HIVEP3: variants seen among roughly 807,000 people sequenced by gnomAD.
HIVEP3 encodes HIVEP zinc finger 3.
In HIVEP3, 49 loss-of-function variants were observed where a neutral mutation model predicts 152.8. That is an observed-to-expected ratio of 0.32 (90% CI 0.26 to 0.41). HIVEP3 has a LOEUF of 0.41. Among genes scored for constraint, HIVEP3 ranks in the 10% least tolerant of loss-of-function variants. The probability of loss-of-function intolerance (pLI) is 1.00; values close to 1 mark genes in which losing one functional copy is unlikely to be tolerated. For missense variants in HIVEP3, 2,790 were observed against 3,103.3 expected (o/e 0.90, Z 2.40); for synonymous variants, 1,269 against 1,289.0 (o/e 0.98, Z 0.33).
At chr1:41,855,195 T>C (rs1414187814) in intron 1 of HIVEP3, among the ~76,000 whole-genome samples, 2 of 149,392 alleles carry the variant, frequency 1.3e-5, no homozygotes, top group Non-Finnish European at 3.0e-5. Context: ...TGTTGTTTCC[T>C]GACTTTTTAA....
chr1:41,529,867 C>T (rs1643190334), intron 5 of HIVEP3, among the ~76,000 whole-genome samples: 1 of 143,912 alleles, frequency 6.9e-6, no homozygotes, highest in Admixed American at 7.0e-5. Context: ...ACACTTACAT[C>T]CTCACACTCC....
rs151058943 is a variant in HIVEP3, at chr1:41,911,474, T to C, written c.-801+6939A>G. On this transcript the variant is annotated intron_variant, in intron 1 of 8. Transcript: ENST00000372583. ...TTAAAGTGAAACTCATATGACACCA[T>C]AGAATTCTGAACTATCCTAGCAGCA... Among the ~76,000 whole-genome samples the C allele has an allele frequency of 5.6e-3, 856 of 152,300 alleles. 14 individuals are homozygous for C. The highest frequency in any genetic ancestry group is 0.019 in the African/African-American group (777 of 41,540).
intron 1 of HIVEP3, among the ~76,000 whole-genome samples, chr1:41,974,912 C>T (rs574215748): frequency 6.6e-6 from 1 of 152,208 alleles, no homozygotes; most frequent in Admixed American, 6.5e-5. Flanking sequence ...ACGCAACCTG[C>T]CCTTCAGGAC....
chr1:41,671,226 C>CACTG (rs1222740212), intron 2 of HIVEP3, among the ~76,000 whole-genome samples: 2 of 152,230 alleles, frequency 1.3e-5, no homozygotes, highest in East Asian at 3.9e-4. Context: ...CTATCACCAT[C>CACTG]ACTGCCCAGC....
Position 41,849,878 on chromosome 1 carries a change from A to G in HIVEP3, c.-801+68535T>C, listed in dbSNP as rs2124380744. 2.6e-5 allele frequency among the ~76,000 whole-genome samples: 4 copies of G among 152,164 alleles called. No homozygotes were observed. The Middle Eastern group carries it at 0.014, about 518-fold the overall frequency. ...GCTAATTTTTGTATTTTTAGTAGAC[A>G]TGGGGTTTCACCATGTTGGCCAGGC... On this transcript the variant is annotated intron_variant, in intron 1 of 8. Transcript: ENST00000372583.
intron 1 of HIVEP3, among the ~76,000 whole-genome samples, chr1:41,898,598 C>T (rs1049881417): frequency 1.1e-4 from 16 of 152,204 alleles, no homozygotes; most frequent in Non-Finnish European, 2.2e-4. Flanking sequence ...CACGTGCGTG[C>T]ACACACACCC....
intron 1 of HIVEP3, among the ~76,000 whole-genome samples, chr1:41,712,643 C>T (rs540327545): frequency 3.3e-5 from 5 of 152,322 alleles, no homozygotes; most frequent in Non-Finnish European, 7.3e-5. Flanking sequence ...AAACCAGCGT[C>T]CTGAGCTGAC....
intron 1 of HIVEP3, among the ~76,000 whole-genome samples, chr1:41,775,815 T>A (rs1648672332): frequency 6.6e-6 from 1 of 152,106 alleles, no homozygotes; most frequent in African/African-American, 2.4e-5. Flanking sequence ...GCTTCCAACA[T>A]GGAGAGTCCA....
chr1:41,624,096 C>A (rs1290256603), intron 3 of HIVEP3, among the ~76,000 whole-genome samples: 1 of 152,176 alleles, frequency 6.6e-6, no homozygotes, highest in East Asian at 1.9e-4. Context: ...CCCTGGGTTG[C>A]GAAGAGTACT....
At chr1:41,593,137 C>T (rs560281428) in intron 3 of HIVEP3, among the ~76,000 whole-genome samples, 19 of 152,312 alleles carry the variant, frequency 1.2e-4, no homozygotes, top group African/African-American at 4.1e-4. Context: ...TTCTTTTAAA[C>T]GAAAATTCTT....
intron 5 of HIVEP3, chr1:41,535,988 G>C (rs1020725832): frequency 1.3e-5 from 2 of 152,056 alleles, no homozygotes; most frequent in African/African-American, 2.4e-5. Flanking sequence ...GATATCTTGG[G>C]TTGTAGCAGA....
chr1:41,575,246 G>A (rs190810680), intron 5 of HIVEP3, among the ~76,000 whole-genome samples: 40 of 152,320 alleles, frequency 2.6e-4, no homozygotes, highest in African/African-American at 9.6e-4. Context: ...CTCCAATGCA[G>A]GAACTAGAAA....
chr1:41,516,935 C>G (rs1199726685), intron 7 of HIVEP3, among the ~76,000 whole-genome samples: 2 of 152,272 alleles, frequency 1.3e-5, no homozygotes, highest in African/African-American at 4.8e-5. Flanking sequence ...GGCCCCTGCT[C>G]TACTCCACCA....
intron 1 of HIVEP3, among the ~76,000 whole-genome samples, chr1:41,924,397 C>T (rs1241495551): frequency 6.6e-6 from 1 of 152,148 alleles, no homozygotes; most frequent in African/African-American, 2.4e-5. Context: ...CTACAACCAC[C>T]ATGATGAGAA....
At chr1:41,618,459 T>C (rs1037956954) in intron 3 of HIVEP3, among the ~76,000 whole-genome samples, 1 of 152,244 alleles carries the variant, frequency 6.6e-6, no homozygotes, top group Non-Finnish European at 1.5e-5. Context: ...GGAGCTGGTG[T>C]GCCCATCCTT....
chr1:41,590,558 C>G (rs1333329655), intron 3 of HIVEP3, among the ~76,000 whole-genome samples: 2 of 152,192 alleles, frequency 1.3e-5, no homozygotes, highest in Non-Finnish European at 2.9e-5. Flanking sequence ...GACAAGAAGA[C>G]AAGAAGACAG....
chr1:41,772,815 T>C (rs420989), intron 1 of HIVEP3, among the ~76,000 whole-genome samples: 93,976 of 152,020 alleles, frequency 0.62, 29,971 homozygotes, highest in African/African-American at 0.78. Context: ...GAGGCTGAGG[T>C]AGGAGAATCG....
chr1:41,949,118 TTG>T (rs1645091133), intron 1 of HIVEP3, among the ~76,000 whole-genome samples: 1 of 152,236 alleles, frequency 6.6e-6, no homozygotes, highest in African/African-American at 2.4e-5. Flanking sequence ...GGAATATTTT[TTG>T]TCTGTGACCT....
At chr1:41,722,402 G>GGCCTTCCT (rs1553253023) in intron 1 of HIVEP3, among the ~76,000 whole-genome samples, 34 of 123,836 alleles carry the variant, frequency 2.7e-4, no homozygotes, top group Non-Finnish European at 3.9e-4. Flanking sequence ...AAATTTGGCT[G>GGCCTTCCT]GCCTTCCTTC....
Sources: allele counts gnomAD v4.1 joint callset (sites outside exome capture counted in the v4.1 genomes callset), GRCh38; gene constraint gnomAD v4.1.1; transcripts MANE v1.5; gene names NCBI Gene and HGNC (gene_info 2026-07-23, HGNC 2026-07-21).